Variants in C8orf34 observed in about 807,000 individuals in gnomAD.
The protein encoded by C8orf34 is chromosome 8 open reading frame 34.
A neutral mutation model predicts 68.3 loss-of-function variants in C8orf34; 65 were observed. That is an observed-to-expected ratio of 0.95 (90% confidence interval 0.78 to 1.17). The LOEUF (loss-of-function observed/expected upper bound fraction) is 1.17, where lower values mean the gene tolerates loss of function less well. C8orf34 is among the 50% of genes most tolerant of loss of function. C8orf34 has a pLI of 0.00. For synonymous variants in C8orf34, 244 were observed against 241.2 expected (o/e 1.01, Z -0.11); for missense variants, 664 against 655.4 (o/e 1.01, Z -0.14).
At chr8:68,569,971 A>G (rs950781977) in intron 7 of C8orf34, among the ~76,000 whole-genome samples, 14 of 152,206 alleles carry the variant, frequency 9.2e-5, no homozygotes, top group African/African-American at 3.4e-4. Flanking sequence ...GTCTCTCTTC[A>G]GGCTGCTCTT....
chr8:68,530,719 C>A, intron 6 of C8orf34: 2 of 636,930 alleles, frequency 3.1e-6, no homozygotes, highest in Non-Finnish European at 4.1e-6. Flanking sequence ...AAAGAGTAAA[C>A]ATGATTTTCT....
intron 8 of C8orf34, among the ~76,000 whole-genome samples, chr8:68,690,805 G>A (rs1040180773): frequency 1.3e-5 from 2 of 151,998 alleles, no homozygotes; most frequent in South Asian, 2.1e-4. Context: ...ATGCTTTTAC[G>A]TTAGCTTGAA....
chr8:68,336,629 T>G (rs1805862518), intron 1 of C8orf34, among the ~76,000 whole-genome samples: 1 of 152,112 alleles, frequency 6.6e-6, no homozygotes, highest in Non-Finnish European at 1.5e-5. Context: ...ATACCTACAT[T>G]TACTTCCCAA....
Position 68,456,085 on chromosome 8 carries a change from A to G in C8orf34, c.607+9625A>G, listed in dbSNP as rs185789431. Reference sequence around the variant, plus strand: ...ACAGTGAAACACAGCCTCTACTAAAAATCCAAAAAAAAAAAAAAAAATTAG... The same window carrying G: ...ACAGTGAAACACAGCCTCTACTAAAGATCCAAAAAAAAAAAAAAAAATTAG... On this transcript the variant is annotated intron_variant, in intron 3 of 13. Coordinates refer to ENST00000518698, the MANE Select transcript of C8orf34 (RefSeq NM_052958.4). 7.4e-5 allele frequency among the ~76,000 whole-genome samples: 11 copies of G among 148,686 alleles called. 1 individual carries two copies. The highest frequency in any genetic ancestry group is 2.7e-4 in the African/African-American group (11 of 40,546).
intron 4 of C8orf34, among the ~76,000 whole-genome samples, chr8:68,481,839 C>G (rs182794863): frequency 6.6e-6 from 1 of 152,168 alleles, no homozygotes. Context: ...TTTACAGGCT[C>G]ATATGTAGAA....
chr8:68,745,225 C>T (rs1822447199), intron 10 of C8orf34, among the ~76,000 whole-genome samples: 1 of 151,998 alleles, frequency 6.6e-6, no homozygotes, highest in East Asian at 1.9e-4. Context: ...ACAAGAGCTC[C>T]TGAAGGAAGC....
intron 8 of C8orf34, among the ~76,000 whole-genome samples, chr8:68,686,324 T>C (rs1485370272): frequency 1.3e-5 from 2 of 151,806 alleles, no homozygotes; most frequent in Admixed American, 6.6e-5. Context: ...GAAAGGACTT[T>C]ACAAAAAAAG....
At chr8:68,651,854 G>T (rs1819369965) in intron 8 of C8orf34, among the ~76,000 whole-genome samples, 1 of 152,052 alleles carries the variant, frequency 6.6e-6, no homozygotes, top group African/African-American at 2.4e-5. Flanking sequence ...CCTCTATTAT[G>T]CAGTATACCT....
intron 8 of C8orf34, among the ~76,000 whole-genome samples, chr8:68,687,173 A>G (rs1326126807): frequency 1.3e-5 from 2 of 152,166 alleles, no homozygotes; most frequent in Non-Finnish European, 2.9e-5. Flanking sequence ...TCAATACTGT[A>G]AAAATGACAA....
intron 4 of C8orf34, among the ~76,000 whole-genome samples, chr8:68,487,460 TG>T: frequency 1.1e-3 from 1 of 952 alleles, no homozygotes. Context: ...GAGAAATATG[TG>T]GATGGTGGGG....
chr8:68,701,645 A>C (rs7836513), intron 8 of C8orf34, among the ~76,000 whole-genome samples: 77,644 of 151,820 alleles, frequency 0.51, 20,620 homozygotes, highest in African/African-American at 0.66. Context: ...TGTCTCCTGG[A>C]TCCTATGCTT....
intron 3 of C8orf34, among the ~76,000 whole-genome samples, chr8:68,454,340 G>A (rs1586171076): frequency 2.6e-5 from 4 of 152,018 alleles, no homozygotes; most frequent in Admixed American, 2.0e-4. Context: ...AAAACTTGGT[G>A]TTAATTCTTC....
chr8:68,676,459 T>C (rs749471071), intron 8 of C8orf34, among the ~76,000 whole-genome samples: 5 of 152,164 alleles, frequency 3.3e-5, no homozygotes, highest in Non-Finnish European at 5.9e-5. Flanking sequence ...ACTTTCAGCA[T>C]TGCACAGATC....
chr8:68,689,852 G>T (rs1291693419), intron 8 of C8orf34, among the ~76,000 whole-genome samples: 1 of 151,986 alleles, frequency 6.6e-6, no homozygotes, highest in African/African-American at 2.4e-5. Context: ...CAAATGAGAA[G>T]TGAGGTTTAG....
At chr8:68,599,278 C>T (rs568394208) in intron 7 of C8orf34, among the ~76,000 whole-genome samples, 2 of 151,974 alleles carry the variant, frequency 1.3e-5, no homozygotes, top group Non-Finnish European at 2.9e-5. Context: ...ATAAATGAAT[C>T]CTGTCAAGAT....
chr8:68,492,369 A>G (rs1410790445), intron 5 of C8orf34, among the ~76,000 whole-genome samples: 2 of 152,062 alleles, frequency 1.3e-5, no homozygotes, highest in Non-Finnish European at 2.9e-5. Flanking sequence ...AGCTGGGACT[A>G]CAAACGTGTG....
At chr8:68,456,991 A>AT (rs1811581859) in intron 3 of C8orf34, among the ~76,000 whole-genome samples, 1 of 152,216 alleles carries the variant, frequency 6.6e-6, no homozygotes, top group Non-Finnish European at 1.5e-5. Context: ...TATTCTGTGC[A>AT]TGATAGTGAA....
intron 1 of C8orf34, among the ~76,000 whole-genome samples, chr8:68,431,983 G>A (rs568904076): frequency 3.3e-5 from 5 of 152,064 alleles, no homozygotes; most frequent in Non-Finnish European, 7.4e-5. Flanking sequence ...AAATGGATAT[G>A]ATAAACGTAA....
intron 7 of C8orf34, among the ~76,000 whole-genome samples, chr8:68,544,266 G>C (rs1263697526): frequency 2.0e-5 from 3 of 152,144 alleles, no homozygotes; most frequent in African/African-American, 7.2e-5. Context: ...ACCAAACTGA[G>C]CTGGGACACA....
Sources: gnomAD v4.1 joint callset for allele counts (sites outside exome capture counted in the v4.1 genomes callset) on GRCh38, gnomAD v4.1.1 for gene constraint, MANE v1.5 for transcripts, NCBI Gene and HGNC (gene_info 2026-07-23, HGNC 2026-07-21) for gene names.